SSPN: variants seen among roughly 807,000 people sequenced by gnomAD.
The protein encoded by SSPN is K-ras oncogene-associated protein.
SSPN carries 15 observed loss-of-function variants against 19.1 expected under a neutral mutation model. That is an observed-to-expected ratio of 0.78 (90% CI 0.52 to 1.21). The LOEUF is 1.21. Ranked by LOEUF, SSPN falls within the 50% of genes most tolerant of loss-of-function variation. The probability of loss-of-function intolerance (pLI) is 0.00; values close to 1 mark genes in which losing one functional copy is unlikely to be tolerated. For synonymous variants in SSPN, 147 were observed against 140.3 expected, an observed-to-expected ratio of 1.05 and a Z score of -0.34; for missense variants, 291 against 314.0, an observed-to-expected ratio of 0.93 and a Z score of 0.55.
intron 1 of SSPN, chr12:26,122,489 G>A (rs1944318700): frequency 2.3e-6 from 3 of 1,327,124 alleles, no homozygotes; most frequent in East Asian, 6.9e-5. Flanking sequence ...GGGCCGCGGC[G>A]GCCGCGGGCT....
intron 2 of SSPN, among the ~76,000 whole-genome samples, chr12:26,229,521 G>A (rs186829501): frequency 2.6e-5 from 4 of 152,382 alleles, no homozygotes; most frequent in African/African-American, 9.6e-5. Flanking sequence ...CACATATTTT[G>A]TAGTGTCACA....
intron 1 of SSPN, chr12:26,126,388 G>A (rs1944364788): frequency 6.6e-6 from 1 of 152,224 alleles, no homozygotes; most frequent in Non-Finnish European, 1.5e-5. Context: ...TGCACAGAGA[G>A]GGATATTTAC....
intron 1 of SSPN, among the ~76,000 whole-genome samples, chr12:26,187,798 A>T (rs1036091062): frequency 2.0e-5 from 3 of 152,242 alleles, no homozygotes; most frequent in African/African-American, 7.2e-5. Context: ...AAATAAAATG[A>T]TATTGTGAAG....
At chr12:26,124,422 G>A (rs1461207469) in intron 1 of SSPN, 2 of 1,352,270 alleles carry the variant, frequency 1.5e-6, no homozygotes, top group African/African-American at 1.4e-5. Flanking sequence ...AAGCTCAGGG[G>A]CTGGAATATA....
intron 1 of SSPN, among the ~76,000 whole-genome samples, chr12:26,158,020 A>G (rs1393612521): frequency 6.6e-6 from 1 of 151,594 alleles, no homozygotes; most frequent in Non-Finnish European, 1.5e-5. Context: ...TTTTCCTTAG[A>G]TTACCAAATC....
intron 1 of SSPN, among the ~76,000 whole-genome samples, chr12:26,155,256 T>C (rs1254765758): frequency 6.6e-6 from 1 of 152,184 alleles, no homozygotes; most frequent in Non-Finnish European, 1.5e-5. Flanking sequence ...TTAAAGTTAC[T>C]TGTCCAGACT....
At chr12:26,198,541 A>T (rs1460715582) in intron 1 of SSPN, among the ~76,000 whole-genome samples, 2 of 152,238 alleles carry the variant, frequency 1.3e-5, no homozygotes, top group Non-Finnish European at 2.9e-5. Context: ...AGCTTTACTT[A>T]TTAGCTGCTT....
At chr12:26,123,302 G>T (rs1944331692) in intron 1 of SSPN, 2 of 1,242,840 alleles carry the variant, frequency 1.6e-6, no homozygotes, top group South Asian at 1.6e-5. Flanking sequence ...CAGTATTCAA[G>T]TGATATAATC....
chr12:26,166,023 G>T (rs1239631361), intron 1 of SSPN, among the ~76,000 whole-genome samples: 2 of 152,106 alleles, frequency 1.3e-5, no homozygotes, highest in Non-Finnish European at 2.9e-5. Flanking sequence ...TTAAGAATAT[G>T]GTTATCGCAA....
chr12:26,156,905 G>A (rs1944559016), intron 1 of SSPN, among the ~76,000 whole-genome samples: 1 of 152,216 alleles, frequency 6.6e-6, no homozygotes, highest in African/African-American at 2.4e-5. Flanking sequence ...CTTGCCTGTG[G>A]TGCCTGAGTT....
At chr12:26,151,766 C>G (rs574366673) in intron 1 of SSPN, among the ~76,000 whole-genome samples, 2 of 152,288 alleles carry the variant, frequency 1.3e-5, no homozygotes, top group African/African-American at 4.8e-5. Flanking sequence ...TTTACTAACA[C>G]ACTATGCCAC....
chr12:26,181,244 G>A (rs1465056953), intron 1 of SSPN: 1 of 152,016 alleles, frequency 6.6e-6, no homozygotes, highest in Non-Finnish European at 1.5e-5. Context: ...CAAAGAAGCT[G>A]TTCTGAATAA....
chr12:26,233,842 C>T lies in SSPN; in HGVS notation c.*2766C>T, dbSNP rs539749370. 1.3e-5 allele frequency: 2 copies of T among 152,322 alleles called. No homozygotes were observed. The highest frequency in any genetic ancestry group is 4.8e-5 in the African/African-American group (2 of 41,564). The allele number at this position is 152,322 out of a possible 1,614,324, so 9.4% of individuals were successfully genotyped here. On this transcript the variant is annotated 3_prime_UTR_variant, in exon 3 of 3. Coordinates refer to ENST00000242729, the MANE Select transcript of SSPN (RefSeq NM_005086.5). The surrounding 1 kb of genome is among the most constrained non-coding windows in gnomAD (Gnocchi z 4.3). Reference sequence around the variant, plus strand: ...GGCAGTACTTGAAACAGGAGGAATACACCAGCCTAAATGTACAGACTTTGT... The same window carrying T: ...GGCAGTACTTGAAACAGGAGGAATATACCAGCCTAAATGTACAGACTTTGT...
chr12:26,123,172 G>C lies in SSPN; in HGVS notation c.-31+1020G>C, dbSNP rs1212539399. On this transcript the variant is annotated intron_variant, in intron 1 of 2. Transcript: ENST00000538142. ...GGCGATTTCAGAGATCGCTCCCCTA[G>C]GATGAGGAAGGGATGGGGGTGGGGG... 2.5e-6 allele frequency: 4 copies of C among 1,582,514 alleles called. No individual in the cohort carries two copies. The African/African-American group carries it at 4.0e-5, about 16-fold the overall frequency.
chr12:26,138,012 T>A (rs539386916), intron 1 of SSPN, among the ~76,000 whole-genome samples: 1 of 152,030 alleles, frequency 6.6e-6, no homozygotes, highest in Non-Finnish European at 1.5e-5. Context: ...CACAGGGGAC[T>A]GGTTCCAGGA....
intron 1 of SSPN, among the ~76,000 whole-genome samples, chr12:26,147,769 C>A (rs1335123888): frequency 6.6e-6 from 1 of 152,132 alleles, no homozygotes; most frequent in Admixed American, 6.5e-5. Context: ...CAGCCCCTGT[C>A]TATCGTCAAG....
chr12:26,220,894 A>G (rs1945113212), intron 1 of SSPN, among the ~76,000 whole-genome samples: 1 of 151,954 alleles, frequency 6.6e-6, no homozygotes, highest in South Asian at 2.1e-4. Flanking sequence ...CCCTATCCCT[A>G]CCTCTACCTG....
chr12:26,150,887 C>T (rs1944521516), intron 1 of SSPN, among the ~76,000 whole-genome samples: 1 of 152,146 alleles, frequency 6.6e-6, no homozygotes, highest in African/African-American at 2.4e-5. Flanking sequence ...CAGAATCACT[C>T]CTGGGATTTT....
At chr12:26,221,350 C>T (rs892204620) in intron 1 of SSPN, among the ~76,000 whole-genome samples, 1 of 152,158 alleles carries the variant, frequency 6.6e-6, no homozygotes, top group Non-Finnish European at 1.5e-5. Context: ...AGTACTTTTA[C>T]AATATTCCAA....
Sources: allele counts gnomAD v4.1 joint callset (sites outside exome capture counted in the v4.1 genomes callset), GRCh38; gene constraint gnomAD v4.1.1; non-coding constraint Gnocchi (gnomAD v3.1); transcripts MANE v1.5; gene names NCBI Gene and HGNC (gene_info 2026-07-23, HGNC 2026-07-21).